Variants in DCC observed in about 807,000 individuals in gnomAD.
DCC encodes the protein DCC netrin 1 receptor.
A neutral mutation model predicts 172.5 loss-of-function variants in DCC; 58 were observed. The observed-to-expected ratio is 0.34, with a 90% confidence interval of 0.27 to 0.42. The LOEUF (loss-of-function observed/expected upper bound fraction) is 0.42. Among genes scored for constraint, DCC ranks in the 10% least tolerant of loss-of-function variants. The pLI is 1.00. For synonymous variants in DCC, 709 were observed against 644.5 expected (o/e 1.10, Z -1.52); for missense variants, 1,740 against 1,791.0 (o/e 0.97, Z 0.51).
In DCC at chr18:53,534,042, G is replaced by A. The variant is rs1367517045; in HGVS notation, c.*3389G>A. On this transcript the variant is annotated 3_prime_UTR_variant, in exon 29 of 29. Coordinates refer to ENST00000442544, the MANE Select transcript of DCC (RefSeq NM_005215.4). ...GAAGCTGTTGGTGTCTGTGCTTGAA[G>A]ATGATTGCTGATACTTATCCACCCT... 1 of 152,186 alleles carries A rather than the reference G, an allele frequency of 6.6e-6. No homozygotes were observed. The highest frequency in any genetic ancestry group is 2.4e-5 in the African/African-American group (1 of 41,454). The allele number at this position is 152,186 out of a possible 1,614,324, so 9.4% of individuals were successfully genotyped here.
intron 1 of DCC, among the ~76,000 whole-genome samples, chr18:52,685,378 G>A (rs2035814517): frequency 6.6e-6 from 1 of 152,076 alleles, no homozygotes. Flanking sequence ...GGTTGCAGTG[G>A]GTGGAATGAC....
intron 2 of DCC, among the ~76,000 whole-genome samples, chr18:52,838,819 G>A (rs187404110): frequency 2.6e-5 from 4 of 152,204 alleles, no homozygotes; most frequent in African/African-American, 7.2e-5. Flanking sequence ...ATGGAAACAC[G>A]AACTAAAATA....
chr18:53,160,190 C>G (rs564713048), intron 8 of DCC, among the ~76,000 whole-genome samples: 2 of 152,252 alleles, frequency 1.3e-5, no homozygotes, highest in South Asian at 2.1e-4. Context: ...ATCCTCTATA[C>G]CCCCTTGGCT....
intron 1 of DCC, among the ~76,000 whole-genome samples, chr18:52,731,337 T>C (rs556689784): frequency 6.6e-6 from 1 of 152,312 alleles, no homozygotes; most frequent in Non-Finnish European, 1.5e-5. Context: ...AACTGTCCTC[T>C]GAGGAATGAG....
At chr18:53,386,961 C>G (rs56098701) in intron 16 of DCC, among the ~76,000 whole-genome samples, 37,262 of 152,068 alleles carry the variant, frequency 0.25, 5,080 homozygotes, top group East Asian at 0.47. Flanking sequence ...TGTCTGAAAT[C>G]TCCAAGTAAA....
intron 2 of DCC, among the ~76,000 whole-genome samples, chr18:52,888,029 T>G (rs1157806545): frequency 6.6e-6 from 1 of 152,242 alleles, no homozygotes; most frequent in East Asian, 1.9e-4. Flanking sequence ...ACTTAATAAA[T>G]GAAGTGAGTC....
chr18:52,890,387 A>G (rs1459374684), intron 2 of DCC, among the ~76,000 whole-genome samples: 1 of 152,120 alleles, frequency 6.6e-6, no homozygotes, highest in Non-Finnish European at 1.5e-5. Flanking sequence ...ACTAGTGGGG[A>G]TAGAACATAT....
chr18:52,607,406 A>G (rs557174858), intron 1 of DCC, among the ~76,000 whole-genome samples: 1 of 152,254 alleles, frequency 6.6e-6, no homozygotes, highest in African/African-American at 2.4e-5. Context: ...GTACCACTTA[A>G]AGATGGGATT....
chr18:53,308,792 C>A (rs946420069), intron 13 of DCC, among the ~76,000 whole-genome samples: 1 of 152,174 alleles, frequency 6.6e-6, no homozygotes, highest in Non-Finnish European at 1.5e-5. Context: ...CAAAATACCA[C>A]GAATTTCGTA....
intron 5 of DCC, among the ~76,000 whole-genome samples, chr18:53,017,402 A>G (rs2041824413): frequency 6.6e-6 from 1 of 152,196 alleles, no homozygotes. Context: ...CTTTCTTTTC[A>G]GTCTTTATTA....
At chr18:52,341,588 G>T (rs1043984585) in intron 1 of DCC, among the ~76,000 whole-genome samples, 9 of 152,138 alleles carry the variant, frequency 5.9e-5, no homozygotes, top group African/African-American at 1.7e-4. Context: ...GAGAACCGGC[G>T]CCCTGACCCT....
intron 1 of DCC, among the ~76,000 whole-genome samples, chr18:52,382,217 G>T (rs1008603727): frequency 6.6e-6 from 1 of 152,022 alleles, no homozygotes; most frequent in Non-Finnish European, 1.5e-5. Flanking sequence ...GTCATTAGAG[G>T]AAACAGACAA....
At chr18:53,100,237 G>A (rs1244653367) in intron 7 of DCC, among the ~76,000 whole-genome samples, 3 of 151,962 alleles carry the variant, frequency 2.0e-5, no homozygotes, top group Non-Finnish European at 2.9e-5. Flanking sequence ...GTGAGCCACT[G>A]TGCCCAGCCA....
intron 15 of DCC, among the ~76,000 whole-genome samples, chr18:53,367,653 A>T (rs1334327205): frequency 7.2e-5 from 11 of 152,126 alleles, no homozygotes; most frequent in Non-Finnish European, 1.5e-4. Context: ...CTGAAATTCT[A>T]TACCCATTAA....
At chr18:52,528,154 T>C (rs1327840523) in intron 1 of DCC, among the ~76,000 whole-genome samples, 1 of 152,212 alleles carries the variant, frequency 6.6e-6, no homozygotes, top group African/African-American at 2.4e-5. Context: ...ATGAGTTAGG[T>C]TGACCTCTTG....
intron 5 of DCC, among the ~76,000 whole-genome samples, chr18:52,957,810 T>C (rs2040771072): frequency 6.6e-6 from 1 of 151,886 alleles, no homozygotes. Context: ...TGATAGAAAA[T>C]GAGGTTTAAG....
In DCC at chr18:53,466,741, G is replaced by C. The variant is rs189121806; in HGVS notation, c.3620-1153G>C. Among the ~76,000 whole-genome samples the C allele has an allele frequency of 2.2e-4, 34 of 152,262 alleles. No individual in the cohort carries two copies. The East Asian group carries it at 6.2e-3, about 28-fold the overall frequency. ...GAGTTTCACCATTTTGGCCAGGCTG[G>C]TCTCGAACTCCTGACCTCAAGTGAT... On this transcript the variant is annotated intron_variant, in intron 24 of 28. Coordinates refer to ENST00000442544, the MANE Select transcript of DCC (RefSeq NM_005215.4).
chr18:52,956,834 A>T (rs2040752721), intron 5 of DCC, among the ~76,000 whole-genome samples: 1 of 152,136 alleles, frequency 6.6e-6, no homozygotes, highest in Non-Finnish European at 1.5e-5. Context: ...TTTAATTAAG[A>T]GGAAATATTT....
At chr18:53,451,562 T>G (rs552108043) in intron 23 of DCC, among the ~76,000 whole-genome samples, 1 of 152,314 alleles carries the variant, frequency 6.6e-6, no homozygotes, top group African/African-American at 2.4e-5. Flanking sequence ...TTTAGGTTTT[T>G]CCATTGGCCT....
Sources: allele counts gnomAD v4.1 joint callset (sites outside exome capture counted in the v4.1 genomes callset), GRCh38; gene constraint gnomAD v4.1.1; transcripts MANE v1.5; gene names NCBI Gene and HGNC (gene_info 2026-07-23, HGNC 2026-07-21).